PHF2: variants seen among roughly 807,000 people sequenced by gnomAD.
The protein encoded by PHF2 is lysine-specific demethylase PHF2.
PHF2 carries 27 observed loss-of-function variants against 120.5 expected under a neutral mutation model. The observed-to-expected ratio is 0.22, with a 90% CI of 0.17 to 0.31. PHF2 has a LOEUF of 0.31. Ranked by LOEUF, PHF2 falls within the 10% of genes least tolerant of loss-of-function variation. The probability of loss-of-function intolerance (pLI) is 1.00; values close to 1 mark genes in which losing one functional copy is unlikely to be tolerated. For missense variants in PHF2, 1,024 were observed against 1,434.8 expected (o/e 0.71, Z 4.63); for synonymous variants, 568 against 592.5 (o/e 0.96, Z 0.60).
rs919775079 is a variant in PHF2 at position 93,674,605 on chromosome 9, C to T, written c.2627-322C>T. 1.1e-4 allele frequency among the ~76,000 whole-genome samples: 17 copies of T among 152,286 alleles called. No homozygotes were observed. The East Asian group carries it at 1.9e-3, about 17-fold the overall frequency. Reference sequence around the variant, plus strand: ...ATCTCAAGCTCCATGAACAGATGTACGGAGGGCAGCCCTTAGAGGCCAGGG... The same window carrying T: ...ATCTCAAGCTCCATGAACAGATGTATGGAGGGCAGCCCTTAGAGGCCAGGG... On this transcript the variant is annotated intron_variant, in intron 18 of 21. Transcript: ENST00000359246.
chr9:93,602,204 G>A (rs58301035), intron 1 of PHF2, among the ~76,000 whole-genome samples: 3,404 of 144,606 alleles, frequency 0.024, 148 homozygotes, highest in African/African-American at 0.084. Flanking sequence ...TAAATTGTTC[G>A]TTGAGTTTTG....
chr9:93,676,794 G>GC lies in PHF2; in HGVS notation c.3038dup (p.Pro1014AlafsTer2). 6.4e-7 allele frequency: 1 copy of GC among 1,552,590 alleles called. No individual in the cohort carries two copies. Among genetic ancestry groups the GC allele is most frequent in the South Asian group, 1.2e-5 (1 of 84,226 alleles). Reference sequence around the variant, plus strand: ...CCTCGCAGGAGGGCAGCTCGCCAGAGCCCCCGCCTGAGTCGCATAGCAGCA... The same window carrying GC: ...CCTCGCAGGAGGGCAGCTCGCCAGAGCCCCCCGCCTGAGTCGCATAGCAGCA... On this transcript the variant is annotated frameshift_variant, in exon 21 of 22. Coordinates refer to ENST00000359246, the MANE Select transcript of PHF2 (RefSeq NM_005392.4). LOFTEE classifies it high-confidence loss of function.
At chr9:93,577,613 C>T (rs1347277327) in intron 1 of PHF2, among the ~76,000 whole-genome samples, 1 of 152,334 alleles carries the variant, frequency 6.6e-6, no homozygotes, top group African/African-American at 2.4e-5. Flanking sequence ...TTGCCACCTC[C>T]TCCCTGGCCT....
At chr9:93,636,758 A>G (rs1826100592) in intron 3 of PHF2, among the ~76,000 whole-genome samples, 1 of 152,148 alleles carries the variant, frequency 6.6e-6, no homozygotes, top group African/African-American at 2.4e-5. Flanking sequence ...GGTGGGGGAC[A>G]AGTATTGGTG....
In PHF2 at chr9:93,674,950, G is replaced by C; in HGVS notation, c.2650G>C (p.Glu884Gln). Residue 884 changes from glutamate (E) to glutamine (Q), a missense_variant, in exon 19 of 22, where the codon GAA (glutamate) becomes CAA (glutamine). Around this residue, in one of 2 missense-constraint regions of PHF2, gnomAD observed 677 missense variants for 857.4 expected, o/e 0.79. Coordinates refer to ENST00000359246, the MANE Select transcript of PHF2 (RefSeq NM_005392.4). Reference protein sequence around the residue: ...DYVYPSLESDEDNPIFKSRSK... With the variant: ...DYVYPSLESDQDNPIFKSRSK... ...AGTTTACCCCTCACTGGAGTCAGAT[G>C]AAGACAACCCCATCTTTAAGTCCCG... 1 of 1,613,900 alleles carries C rather than the reference G, an allele frequency of 6.2e-7. No individual in the cohort carries two copies. Among genetic ancestry groups the C allele is most frequent in the Non-Finnish European group, 8.5e-7 (1 of 1,179,926 alleles).
chr9:93,597,619 G>A (rs956666201), intron 1 of PHF2, among the ~76,000 whole-genome samples: 1 of 152,126 alleles, frequency 6.6e-6, no homozygotes, highest in East Asian at 1.9e-4. Context: ...GAGTTTCAGG[G>A]TACAGGTATG....
At chr9:93,648,975 G>C in intron 4 of PHF2, 96 bp from the exon 5 acceptor site, 1 of 1,387,834 alleles carries the variant, frequency 7.2e-7, no homozygotes, top group Non-Finnish European at 9.9e-7. Flanking sequence ...TGTGTGTGAG[G>C]GCAGCCAAGA....
chr9:93,583,826 C>CTTT (rs113746371), intron 1 of PHF2, among the ~76,000 whole-genome samples: 2 of 124,628 alleles, frequency 1.6e-5, no homozygotes, highest in South Asian at 2.5e-4. Context: ...TTTTTCTTTT[C>CTTT]TTTTTTTTTT....
intron 17 of PHF2, among the ~76,000 whole-genome samples, chr9:93,671,846 G>A: frequency 7.0e-6 from 1 of 141,892 alleles, no homozygotes; most frequent in Non-Finnish European, 1.5e-5. Flanking sequence ...GGGTGTGGGA[G>A]TAGGCACAGG....
At chr9:93,625,072 C>A (rs1165333107) in intron 1 of PHF2, among the ~76,000 whole-genome samples, 1 of 152,204 alleles carries the variant, frequency 6.6e-6, no homozygotes, top group Non-Finnish European at 1.5e-5. Context: ...TATCTAGCTT[C>A]AAAATATTTT....
At position 93,656,039 on chromosome 9, in the gene PHF2, G is replaced by A. The variant is rs761247488; in HGVS notation, c.1040+18G>A. ...CAGATGAGGTAGTGCCTGCCGCGCT[G>A]TCTGCCCTCGGGCTCCGCAGAGCAG... On this transcript the variant is annotated intron_variant, in intron 8 of 21. Coordinates refer to ENST00000359246, the MANE Select transcript of PHF2 (RefSeq NM_005392.4). This position sits in a 1 kb window ranked among gnomAD's most constrained non-coding sequence, Gnocchi z 4.1. 2 of 1,603,088 alleles carry A rather than the reference G, an allele frequency of 1.2e-6. No individual in the cohort carries two copies. The highest frequency in any genetic ancestry group is 2.7e-5 in the African/African-American group (2 of 74,826).
Position 93,663,545 on chromosome 9 carries a change from T to C in PHF2, c.1847T>C (p.Met616Thr). ...KNSKPDSLLK[M>T]EEEQKLEKSP... ...AGCAAACCTGACTCCTTACTGAAGATGGAAGAGGAGCAGAAGCTAGAGAAG... is the reference window on the plus strand; with the variant it reads ...AGCAAACCTGACTCCTTACTGAAGACGGAAGAGGAGCAGAAGCTAGAGAAG... Residue 616 changes from methionine (M) to threonine (T), a missense_variant, in exon 14 of 22, where the codon ATG (methionine) becomes ACG (threonine). By Grantham distance (81) the Met-to-Thr change is moderately conservative (BLOSUM62 -1). Around this residue, in one of 2 missense-constraint regions of PHF2, gnomAD observed 677 missense variants for 857.4 expected, o/e 0.79. Coordinates refer to ENST00000359246, the MANE Select transcript of PHF2 (RefSeq NM_005392.4). The C allele has an allele frequency of 6.2e-7, 1 of 1,612,866 alleles. No homozygotes were observed. The highest frequency in any genetic ancestry group is 8.5e-7 in the Non-Finnish European group (1 of 1,179,216).
chr9:93,649,309 C>CA, intron 5 of PHF2, 97 bp downstream of exon 5: 1 of 940,908 alleles, frequency 1.1e-6, no homozygotes, highest in Non-Finnish European at 1.6e-6. Flanking sequence ...TCGAAGGTAT[C>CA]AGAGTCTGGA....
At chr9:93,647,888 C>A (rs1262458278) in intron 4 of PHF2, among the ~76,000 whole-genome samples, 41 of 145,642 alleles carry the variant, frequency 2.8e-4, no homozygotes, top group Non-Finnish European at 3.2e-4. Flanking sequence ...GATTTCATCT[C>A]AAAAAAAAAA....
At chr9:93,652,542 C>T (rs183883679) in intron 5 of PHF2, among the ~76,000 whole-genome samples, 6 of 152,272 alleles carry the variant, frequency 3.9e-5, no homozygotes, top group East Asian at 1.9e-4. Context: ...CCGCCCACCT[C>T]GGCCTCCCAA....
rs181846712 is a variant in PHF2, at chr9:93,644,018, C to T, written c.300-1611C>T. Among the ~76,000 whole-genome samples the T allele has an allele frequency of 7.9e-5, 12 of 152,276 alleles. No individual in the cohort carries two copies. The East Asian group carries it at 1.5e-3, about 20-fold the overall frequency. On this transcript the variant is annotated intron_variant, in intron 3 of 21. Transcript: ENST00000359246. ...AGCCTCCTGATGCTCTCTGTGCCCCCACTCTGCCCTGCTGCAGGCCACTGT... is the reference window on the plus strand; with the variant it reads ...AGCCTCCTGATGCTCTCTGTGCCCCTACTCTGCCCTGCTGCAGGCCACTGT...
chr9:93,612,789 G>T (rs1197328977), intron 1 of PHF2, among the ~76,000 whole-genome samples: 4 of 152,192 alleles, frequency 2.6e-5, no homozygotes, highest in Non-Finnish European at 5.9e-5. Context: ...GGCTGCAGCA[G>T]ACTCTTGCAG....
chr9:93,618,736 GTA>G (rs1825767566), intron 1 of PHF2, among the ~76,000 whole-genome samples: 1 of 151,128 alleles, frequency 6.6e-6, no homozygotes, highest in African/African-American at 2.4e-5. Flanking sequence ...ACACCTGTGT[GTA>G]TGTGTGTGTG....
intron 1 of PHF2, among the ~76,000 whole-genome samples, chr9:93,624,001 C>T (rs929593561): frequency 9.2e-5 from 14 of 152,230 alleles, no homozygotes; most frequent in Admixed American, 2.6e-4. Context: ...ATCTCTTTGC[C>T]TGGCTTCCTT....
Sources: allele counts gnomAD v4.1 joint callset (sites outside exome capture counted in the v4.1 genomes callset), GRCh38; gene constraint gnomAD v4.1.1; regional missense constraint gnomAD v4.1.1; non-coding constraint Gnocchi (gnomAD v3.1); transcripts MANE v1.5; gene names NCBI Gene and HGNC (gene_info 2026-07-23, HGNC 2026-07-21).